Variants in UGCG observed in about 807,000 individuals in gnomAD.
UGCG encodes UDP-glucose ceramide glucosyltransferase, also known as ceramide glucosyltransferase.
Under a neutral mutation model 49.5 loss-of-function variants are expected in UGCG, and 10 were observed. The observed-to-expected ratio is 0.20, with a 90% CI of 0.12 to 0.34. The LOEUF (loss-of-function observed/expected upper bound fraction) is 0.34. UGCG is among the 10% of genes least tolerant of loss of function. The pLI is 1.00. For missense variants in UGCG, 312 were observed against 483.7 expected (o/e 0.65, Z 3.33); for synonymous variants, 182 against 158.2 (o/e 1.15, Z -1.13).
In UGCG at chr9:111,896,980, A is replaced by G. The variant is rs1564195286; in HGVS notation, c.-236A>G. ...GCCCCGACCAGAGCCGGGAGACCGC[A>G]GCACCCGCAGCCGCCCGCGAGCGCG... On this transcript the variant is annotated 5_prime_UTR_variant, in exon 1 of 9. Coordinates refer to ENST00000374279, the MANE Select transcript of UGCG (RefSeq NM_003358.3). The G allele has an allele frequency of 1.5e-5, 3 of 201,916 alleles. No individual in the cohort carries two copies. Among genetic ancestry groups the G allele is most frequent in the East Asian group, 1.0e-4 (1 of 10,014 alleles). 12.5% of individuals were successfully genotyped at this position (201,916 alleles called of 1,614,324 possible).
At chr9:111,924,529 G>C (rs901140618) in intron 3 of UGCG, among the ~76,000 whole-genome samples, 14 of 152,032 alleles carry the variant, frequency 9.2e-5, no homozygotes, top group African/African-American at 3.1e-4. Flanking sequence ...TAACTACTAA[G>C]GCAAGGACTT....
At position 111,933,240 on chromosome 9, in the gene UGCG, C is replaced by G. The variant is rs987536553; in HGVS notation, c.*243C>G. ...GAATCAAGAGAATTGGTTCTAGGAA[C>G]CTGGGTTCGTTCATCATTGTTGTTT... is the stretch of plus-strand genomic sequence containing the variant. On this transcript the variant is annotated 3_prime_UTR_variant, in exon 9 of 9. Transcript: ENST00000374279. 7.7e-6 allele frequency: 2 copies of G among 258,784 alleles called. No homozygotes were observed. Among genetic ancestry groups the G allele is most frequent in the Admixed American group, 5.4e-5 (1 of 18,500 alleles). 16.0% of individuals were successfully genotyped at this position (258,784 alleles called of 1,614,324 possible). A position where few individuals can be genotyped will look rare whatever the true frequency, so the allele number is the denominator to read the frequency against.
intron 2 of UGCG, chr9:111,915,758 G>A: frequency 1.0e-6 from 1 of 983,270 alleles, no homozygotes; most frequent in South Asian, 4.7e-5. Context: ...TTTTCTTTTA[G>A]CCTTTATTTT....
At chr9:111,901,121 A>G (rs1442352656) in intron 1 of UGCG, among the ~76,000 whole-genome samples, 5 of 152,176 alleles carry the variant, frequency 3.3e-5, no homozygotes, top group African/African-American at 1.2e-4. Context: ...CAACCCAAAT[A>G]TGCTATCTCT....
Position 111,923,625 on chromosome 9 carries a change from G to T in UGCG, c.343+674G>T, listed in dbSNP as rs183560035. Among the ~76,000 whole-genome samples the T allele has an allele frequency of 3.7e-3, 565 of 151,498 alleles. 7 individuals are homozygous for T. The highest frequency in any genetic ancestry group is 0.013 in the African/African-American group (536 of 41,292). Reference sequence around the variant, plus strand: ...TTATTTACTGTCATATATTTATGGGGTTTTTTTGGTTTTTTTTTTCTTTGA... The same window carrying T: ...TTATTTACTGTCATATATTTATGGGTTTTTTTTGGTTTTTTTTTTCTTTGA... On this transcript the variant is annotated intron_variant, in intron 3 of 8. Coordinates refer to ENST00000374279, the MANE Select transcript of UGCG (RefSeq NM_003358.3).
intron 1 of UGCG, among the ~76,000 whole-genome samples, chr9:111,905,656 A>G (rs1032844377): frequency 1.3e-5 from 2 of 151,182 alleles, no homozygotes; most frequent in Non-Finnish European, 1.5e-5. Context: ...GTTTCACCAT[A>G]TTGGTTGGGC....
chr9:111,930,134 G>A (rs947807300), intron 6 of UGCG, among the ~76,000 whole-genome samples: 2 of 152,050 alleles, frequency 1.3e-5, no homozygotes, highest in African/African-American at 4.8e-5. Flanking sequence ...TAATTTTATA[G>A]AGTAATTCAT....
chr9:111,900,924 A>G (rs1314113847), intron 1 of UGCG, among the ~76,000 whole-genome samples: 1 of 151,708 alleles, frequency 6.6e-6, no homozygotes, highest in African/African-American at 2.4e-5. Context: ...TGGCTCGATC[A>G]CGGCTTCACA....
At chr9:111,918,654 C>T (rs1446412352) in intron 2 of UGCG, among the ~76,000 whole-genome samples, 1 of 152,096 alleles carries the variant, frequency 6.6e-6, no homozygotes, top group African/African-American at 2.4e-5. Flanking sequence ...AACTTCAAGG[C>T]CGGGGGCGGT....
intron 1 of UGCG, among the ~76,000 whole-genome samples, chr9:111,904,323 G>C (rs1837834675): frequency 1.3e-5 from 2 of 152,220 alleles, no homozygotes; most frequent in South Asian, 4.1e-4. Context: ...TAGTCTCAGG[G>C]CTCAGCTAAA....
rs1837677488 is a variant in UGCG at position 111,897,150 on chromosome 9, C to T, written c.-66C>T. 1.1e-5 allele frequency: 16 copies of T among 1,442,164 alleles called. No homozygotes were observed. The highest frequency in any genetic ancestry group is 1.5e-5 in the Non-Finnish European group (16 of 1,071,342). The allele number at this position is 1,442,164 out of a possible 1,614,324, so 89.3% of individuals were successfully genotyped here. ...CCGCACCGGGCGCCCACCCTGTCCT[C>T]CTCCTGCGGGAGCGTTGTCCGTGTT... On this transcript the variant is annotated 5_prime_UTR_variant, in exon 1 of 9. Transcript: ENST00000374279.
At chr9:111,924,971 T>C (rs927912049) in intron 4 of UGCG, 93 bp downstream of exon 4, 1 of 633,322 alleles carries the variant, frequency 1.6e-6, no homozygotes, top group African/African-American at 1.9e-5. Context: ...TTCTTTTTAT[T>C]TGCCTAAAAG....
intron 1 of UGCG, among the ~76,000 whole-genome samples, chr9:111,912,050 A>ATATATATATATATATATC (rs1554733560): frequency 7.0e-6 from 1 of 142,866 alleles, no homozygotes. Context: ...ATATATATAT[A>ATATATATATATATATATC]TATCCTGTTG....
At chr9:111,897,948 G>C (rs12377525) in intron 1 of UGCG, among the ~76,000 whole-genome samples, 1,655 of 148,506 alleles carry the variant, frequency 0.011, 39 homozygotes, top group African/African-American at 0.04. Context: ...CTCTCCCCGT[G>C]CCGGCCACAT....
At position 111,897,139 on chromosome 9, in the gene UGCG, C is replaced by CA; in HGVS notation, c.-76dup. 1 of 1,356,090 alleles carries CA rather than the reference C, an allele frequency of 7.4e-7. No individual in the cohort carries two copies. The highest frequency in any genetic ancestry group is 1.3e-5 in the South Asian group (1 of 75,424). The allele number at this position is 1,356,090 out of a possible 1,614,324, so 84.0% of individuals were successfully genotyped here. On this transcript the variant is annotated 5_prime_UTR_variant, in exon 1 of 9. Coordinates refer to ENST00000374279, the MANE Select transcript of UGCG (RefSeq NM_003358.3). ...CTCCCGCGCCCCCGCACCGGGCGCC[C>CA]ACCCTGTCCTCCTCCTGCGGGAGCG...
chr9:111,928,993 T>A (rs1838373144), intron 5 of UGCG, among the ~76,000 whole-genome samples: 1 of 152,136 alleles, frequency 6.6e-6, no homozygotes, highest in East Asian at 1.9e-4. Flanking sequence ...AGGGAGCAGC[T>A]AGCTACAAAA....
Position 111,922,806 on chromosome 9 carries a change from T to G in UGCG, c.241-43T>G, listed in dbSNP as rs755518233. 5.4e-6 allele frequency: 8 copies of G among 1,478,808 alleles called. No individual in the cohort carries two copies. The South Asian group carries it at 8.6e-5, about 16-fold the overall frequency. The allele number at this position is 1,478,808 out of a possible 1,614,324, so 91.6% of individuals were successfully genotyped here. A position where few individuals can be genotyped will look rare whatever the true frequency, so the allele number is the denominator to read the frequency against. On this transcript the variant is annotated intron_variant, in intron 2 of 8. Transcript: ENST00000374279. ...ATCAATACATGCTAGTAAGTGCTTA[T>G]TTTTTTAAAGAATTTAATTTACATA...
intron 2 of UGCG, among the ~76,000 whole-genome samples, chr9:111,918,924 CA>C (rs71373797): frequency 4.1e-4 from 46 of 111,978 alleles, no homozygotes; most frequent in African/African-American, 9.4e-4. Context: ...GACTCCGTCT[CA>C]AAAAAAAAAA....
intron 2 of UGCG, among the ~76,000 whole-genome samples, chr9:111,919,052 A>G (rs1310959911): frequency 4.6e-5 from 7 of 151,958 alleles, no homozygotes; most frequent in Admixed American, 3.9e-4. Flanking sequence ...TTTTCTTCCC[A>G]TTGAGTATAT....
Sources: gnomAD v4.1 joint callset for allele counts (sites outside exome capture counted in the v4.1 genomes callset) on GRCh38, gnomAD v4.1.1 for gene constraint, MANE v1.5 for transcripts, NCBI Gene and HGNC (gene_info 2026-07-23, HGNC 2026-07-21) for gene names.